DNAI2: variants seen among roughly 807,000 people sequenced by gnomAD.
The protein encoded by DNAI2 is dynein, axonemal, intermediate polypeptide 2.
A neutral mutation model predicts 74.7 loss-of-function variants in DNAI2; 63 were observed. The ratio of observed to expected loss-of-function variants is 0.84; its 90% CI spans 0.69 to 1.04. The LOEUF is 1.04. DNAI2 is among the 50% of genes least tolerant of loss of function. The pLI, the probability that DNAI2 is intolerant of heterozygous loss-of-function variation, is 0.00. For missense variants in DNAI2, 688 were observed against 803.2 expected (o/e 0.86, Z 1.73); for synonymous variants, 289 against 314.9 (o/e 0.92, Z 0.87).
intron 4 of DNAI2, among the ~76,000 whole-genome samples, chr17:74,288,445 G>A (rs1247389346): frequency 2.0e-5 from 3 of 152,210 alleles, no homozygotes; most frequent in African/African-American, 7.2e-5. Flanking sequence ...ATAAATATAT[G>A]CATATGTGTA....
chr17:74,304,910 C>A (rs1026372902), intron 8 of DNAI2, among the ~76,000 whole-genome samples: 9 of 152,198 alleles, frequency 5.9e-5, no homozygotes, highest in African/African-American at 1.7e-4. Context: ...ATCTTTATGG[C>A]CAAATGCATC....
chr17:74,295,357 G>A (rs1029797289), intron 6 of DNAI2, among the ~76,000 whole-genome samples: 3 of 152,070 alleles, frequency 2.0e-5, no homozygotes, highest in East Asian at 3.9e-4. Flanking sequence ...AGTTGAGATT[G>A]TGCCACTGCA....
At chr17:74,282,848 C>T (rs561357116) in intron 2 of DNAI2, among the ~76,000 whole-genome samples, 2 of 152,334 alleles carry the variant, frequency 1.3e-5, no homozygotes, top group South Asian at 4.1e-4. Flanking sequence ...TTGGCCAAAA[C>T]ACGTCCAACA....
chr17:74,309,438 C>T (rs758912244), intron 10 of DNAI2, 50 bp downstream of exon 10: 1 of 1,613,166 alleles, frequency 6.2e-7, no homozygotes, highest in East Asian at 2.2e-5. Flanking sequence ...GGAGCCAGGT[C>T]CCGGCGTGGG....
intron 6 of DNAI2, among the ~76,000 whole-genome samples, chr17:74,295,859 G>T (rs566199137): frequency 6.6e-6 from 1 of 152,264 alleles, no homozygotes; most frequent in African/African-American, 2.4e-5. Flanking sequence ...ATTAGTTAAT[G>T]ATTGAACAAA....
intron 1 of DNAI2, among the ~76,000 whole-genome samples, chr17:74,278,607 C>T (rs1356422990): frequency 6.6e-6 from 1 of 152,112 alleles, no homozygotes; most frequent in Non-Finnish European, 1.5e-5. Flanking sequence ...AAGTCTGTGG[C>T]TTCTCTTTTT....
chr17:74,289,192 A>G (rs17882048), intron 4 of DNAI2, among the ~76,000 whole-genome samples: 80,757 of 152,022 alleles, frequency 0.53, 23,148 homozygotes, highest in Non-Finnish European at 0.67. Context: ...GCTGGGCTCT[A>G]ACCTCGTATA....
chr17:74,299,533 G>A (rs895394788), intron 6 of DNAI2, among the ~76,000 whole-genome samples, 185 bp from the exon 7 acceptor site: 1 of 152,100 alleles, frequency 6.6e-6, no homozygotes, highest in Admixed American at 6.5e-5. Context: ...TTGCACTCTG[G>A]GAGTCTCTCC....
At chr17:74,290,378 G>T (rs1196057982) in intron 5 of DNAI2, among the ~76,000 whole-genome samples, 2 of 152,154 alleles carry the variant, frequency 1.3e-5, no homozygotes, top group African/African-American at 4.8e-5. Flanking sequence ...CGGCGGAATG[G>T]AACTTGTGCC....
At chr17:74,304,179 CTTTTTTCTTTTTTTTTTTTTT>C (rs2053038199) in intron 8 of DNAI2, among the ~76,000 whole-genome samples, 1 of 101,942 alleles carries the variant, frequency 9.8e-6, no homozygotes, top group African/African-American at 3.5e-5. Context: ...TTTTCTTTTT[CTTTTTTCTTTTTTTTTTTTTT>C]TTTTTTTTTT....
Position 74,312,182 on chromosome 17 carries a change from A to G in DNAI2, c.1674A>G (p.Ala558=), listed in dbSNP as rs1377302273. The G allele has an allele frequency of 1.2e-6, 2 of 1,606,868 alleles. No individual in the cohort carries two copies. Among genetic ancestry groups the G allele is most frequent in the Non-Finnish European group, 1.7e-6 (2 of 1,177,844 alleles). Residue 558 remains alanine (A), a synonymous_variant, in exon 12 of 14, where the codon GCA becomes GCG. Coordinates refer to ENST00000311014, the MANE Select transcript of DNAI2 (RefSeq NM_023036.6). The stretch of plus-strand genomic sequence containing the variant: ...AGGAGTTCTTCGACATCATCTTCGC[A>G]GAGCTGAAGAAGAAGGAGGCAGACG... ...AEEEFFDIIF[A]ELKKKEADAI...
intron 1 of DNAI2, among the ~76,000 whole-genome samples, 157 bp downstream of exon 1, chr17:74,274,502 A>G (rs1436398875): frequency 6.6e-6 from 1 of 151,898 alleles, no homozygotes; most frequent in Non-Finnish European, 1.5e-5. Flanking sequence ...TGCCAGGACT[A>G]GCGCTCCTAG....
In DNAI2 at chr17:74,297,661, C is replaced by A. The variant is rs911974655; in HGVS notation, c.725-2057C>A. On this transcript the variant is annotated intron_variant, in intron 6 of 13. Coordinates refer to ENST00000311014, the MANE Select transcript of DNAI2 (RefSeq NM_023036.6). Reference sequence around the variant, plus strand: ...CCTCCCAAAGTGCTGGGATTACAGGCGTGAGCCACCAAGCCCAGCCCAAAC... The same window carrying A: ...CCTCCCAAAGTGCTGGGATTACAGGAGTGAGCCACCAAGCCCAGCCCAAAC... Among the ~76,000 whole-genome samples the A allele has an allele frequency of 2.0e-5, 3 of 151,420 alleles. No individual in the cohort carries two copies. In the South Asian group the frequency reaches 6.3e-4, roughly 32 times the overall value.
chr17:74,295,751 G>A (rs1424510996), intron 6 of DNAI2, among the ~76,000 whole-genome samples: 1 of 152,128 alleles, frequency 6.6e-6, no homozygotes, highest in African/African-American at 2.4e-5. Flanking sequence ...GTTTGTTGTA[G>A]TTGTTCTTTG....
chr17:74,299,990 CCAGG>C (rs1457149269), intron 7 of DNAI2, 133 bp downstream of exon 7: 1 of 1,387,444 alleles, frequency 7.2e-7, no homozygotes. Context: ...CTCTTGTTGC[CCAGG>C]CTGGAGTGCA....
At chr17:74,292,138 T>A (rs1489639377) in intron 6 of DNAI2, among the ~76,000 whole-genome samples, 1 of 152,228 alleles carries the variant, frequency 6.6e-6, no homozygotes, top group African/African-American at 2.4e-5. Flanking sequence ...GTACTGGGAT[T>A]ACTGGCGTGA....
intron 1 of DNAI2, among the ~76,000 whole-genome samples, chr17:74,276,150 T>C (rs2051062805): frequency 1.3e-5 from 2 of 152,284 alleles, no homozygotes; most frequent in South Asian, 2.1e-4. Flanking sequence ...ACACTTTCCC[T>C]TAAGCCACCG....
chr17:74,314,026 G>A (rs2053684161), intron 12 of DNAI2, 95 bp from the exon 13 acceptor site: 1 of 1,597,892 alleles, frequency 6.3e-7, no homozygotes, highest in Non-Finnish European at 8.6e-7. Context: ...TCAGCCATTT[G>A]GCTGCTTTGG....
At chr17:74,276,167 C>G (rs2051064367) in intron 1 of DNAI2, among the ~76,000 whole-genome samples, 2 of 152,176 alleles carry the variant, frequency 1.3e-5, no homozygotes, top group Admixed American at 1.3e-4. Flanking sequence ...ACCGGAGGTT[C>G]TCTCCAGGAA....
Sources: gnomAD v4.1 joint callset for allele counts (sites outside exome capture counted in the v4.1 genomes callset) on GRCh38, gnomAD v4.1.1 for gene constraint, MANE v1.5 for transcripts, NCBI Gene and HGNC (gene_info 2026-07-23, HGNC 2026-07-21) for gene names.